Variants in ATP13A3 observed in about 807,000 individuals in gnomAD.
The protein encoded by ATP13A3 is ATPase 13A3.
ATP13A3 carries 59 observed loss-of-function variants against 158.1 expected under a neutral mutation model. The observed-to-expected ratio is 0.37, with a 90% CI of 0.30 to 0.46. The LOEUF is 0.46. ATP13A3 is among the 20% of genes least tolerant of loss of function. ATP13A3 has a pLI of 1.00. For synonymous variants in ATP13A3, 491 were observed against 504.3 expected, an observed-to-expected ratio of 0.97 and a Z score of 0.35; for missense variants, 1,166 against 1,525.2, an observed-to-expected ratio of 0.76 and a Z score of 3.92.
chr3:194,483,772 T>C (rs1237948232), intron 2 of ATP13A3, among the ~76,000 whole-genome samples: 2 of 152,210 alleles, frequency 1.3e-5, no homozygotes, highest in Non-Finnish European at 2.9e-5. Flanking sequence ...AAATTTAATT[T>C]CTAATTTCTT....
intron 22 of ATP13A3, 107 bp downstream of exon 22, chr3:194,431,610 T>G: frequency 1.7e-6 from 2 of 1,152,474 alleles, no homozygotes; most frequent in Non-Finnish European, 2.3e-6. Context: ...GACTTCTGTT[T>G]TCATTTAGTT....
chr3:194,467,121 T>C (rs1720040537), intron 2 of ATP13A3, among the ~76,000 whole-genome samples: 1 of 152,264 alleles, frequency 6.6e-6, no homozygotes, highest in African/African-American at 2.4e-5. Context: ...AATTTTTCAA[T>C]GTAGAATGTA....
At chr3:194,414,494 G>A (rs541356268) in intron 31 of ATP13A3, among the ~76,000 whole-genome samples, 20 of 147,412 alleles carry the variant, frequency 1.4e-4, no homozygotes, top group Non-Finnish European at 2.2e-4. Context: ...ATCTAATAAC[G>A]AAGTACTGGT....
intron 2 of ATP13A3, among the ~76,000 whole-genome samples, chr3:194,469,119 C>T (rs963968117): frequency 1.3e-5 from 2 of 149,366 alleles, no homozygotes; most frequent in African/African-American, 5.0e-5. Flanking sequence ...CATGACAGAG[C>T]AAGACTCCAT....
chr3:194,446,155 T>A (rs559650389), intron 14 of ATP13A3, among the ~76,000 whole-genome samples: 1 of 152,192 alleles, frequency 6.6e-6, no homozygotes, highest in African/African-American at 2.4e-5. Context: ...ATCCAAAGTA[T>A]TAAAAATTGA....
At position 194,428,768 on chromosome 3, in the gene ATP13A3, G is replaced by T. The variant is rs1385185325; in HGVS notation, c.2947+77C>A. ...TGTGAGCTATGTTACAATTGTTGATGTAAATTTACAAAAATTTAATAAGTC... is the reference window on the plus strand; with the variant it reads ...TGTGAGCTATGTTACAATTGTTGATTTAAATTTACAAAAATTTAATAAGTC... On this transcript the variant is annotated intron_variant, in intron 28 of 33. Transcript: ENST00000645319. The T allele has an allele frequency of 3.8e-6, 4 of 1,039,822 alleles. No individual in the cohort carries two copies. In the African/African-American group the frequency reaches 6.6e-5, roughly 17 times the overall value. 64.4% of individuals were successfully genotyped at this position (1,039,822 alleles called of 1,614,324 possible).
At chr3:194,436,596 A>C (rs576873909) in intron 20 of ATP13A3, among the ~76,000 whole-genome samples, 1 of 152,402 alleles carries the variant, frequency 6.6e-6, no homozygotes, top group East Asian at 1.9e-4. Flanking sequence ...ACAATAACAT[A>C]AGGAAACATA....
intron 2 of ATP13A3, among the ~76,000 whole-genome samples, chr3:194,473,061 G>C (rs2109027224): frequency 6.6e-6 from 1 of 152,202 alleles, no homozygotes; most frequent in Non-Finnish European, 1.5e-5. Context: ...CCTGGTTGAT[G>C]GGATTAATCA....
At chr3:194,412,177 A>G in intron 33 of ATP13A3, 22 bp downstream of exon 33, 1 of 1,525,336 alleles carries the variant, frequency 6.6e-7, no homozygotes, top group Non-Finnish European at 8.8e-7. Flanking sequence ...GCAAGAATTG[A>G]CAGGAAGTGC....
chr3:194,493,498 T>C (rs1284152724), intron 2 of ATP13A3, among the ~76,000 whole-genome samples: 1 of 151,872 alleles, frequency 6.6e-6, no homozygotes, highest in Non-Finnish European at 1.5e-5. Context: ...AATACAAAAA[T>C]TAGCCAGGTG....
At chr3:194,435,940 A>C (rs1276230496) in intron 20 of ATP13A3, among the ~76,000 whole-genome samples, 3 of 152,134 alleles carry the variant, frequency 2.0e-5, no homozygotes, top group Non-Finnish European at 4.4e-5. Context: ...GCAATTCAGT[A>C]ATTAGTGTTT....
intron 2 of ATP13A3, among the ~76,000 whole-genome samples, chr3:194,475,791 C>T (rs764664730): frequency 3.3e-5 from 5 of 152,214 alleles, no homozygotes; most frequent in East Asian, 1.9e-4. Context: ...ACAATAGTGA[C>T]GCCTGTATGG....
chr3:194,410,326 A>AAC (rs1560066852), intron 33 of ATP13A3, among the ~76,000 whole-genome samples: 1 of 146,940 alleles, frequency 6.8e-6, no homozygotes, highest in African/African-American at 2.5e-5. Flanking sequence ...AAAAAAAAAA[A>AAC]AAAAACTGCT....
intron 31 of ATP13A3, 51 bp downstream of exon 31, chr3:194,419,828 T>C (rs761590168): frequency 9.8e-6 from 15 of 1,524,746 alleles, no homozygotes; most frequent in East Asian, 7.5e-5. Context: ...AAAAAAGAAA[T>C]GTATACAGGT....
chr3:194,480,829 G>A (rs866820671), intron 2 of ATP13A3, among the ~76,000 whole-genome samples: 47 of 152,176 alleles, frequency 3.1e-4, no homozygotes, highest in Non-Finnish European at 2.5e-4. Context: ...CCCTGTCCCA[G>A]AGTGAGCATG....
chr3:194,493,542 G>A (rs1721169447), intron 2 of ATP13A3, among the ~76,000 whole-genome samples: 1 of 152,022 alleles, frequency 6.6e-6, no homozygotes, highest in Non-Finnish European at 1.5e-5. Context: ...AGCTACTCAG[G>A]AGGCTGAGGT....
chr3:194,448,585 A>G lies in ATP13A3; in HGVS notation c.1022T>C (p.Val341Ala), dbSNP rs76165404. ...KTNLPNPSVD[V>A]KGIGDELYNP... ...ATATAATTCATCTCCTATTCCTTTCACATCCACTGAAGGATTTGGCAAATT... is the reference window on the plus strand; with the variant it reads ...ATATAATTCATCTCCTATTCCTTTCGCATCCACTGAAGGATTTGGCAAATT... The change falls in exon 12 of 34, where the codon GTG becomes GCG. Residue 341 changes from valine (V) to alanine (A), a missense_variant. Val to Ala is a moderately conservative substitution (Grantham distance 64). Around this residue, in one of 3 missense-constraint regions of ATP13A3, gnomAD observed 997 missense variants for 1,341.2 expected, o/e 0.74. Transcript: ENST00000645319. The surrounding 1 kb of genome is among the most constrained non-coding windows in gnomAD (Gnocchi z 4.0). 1 of 1,613,776 alleles carries G rather than the reference A, an allele frequency of 6.2e-7. No homozygotes were observed. The highest frequency in any genetic ancestry group is 1.1e-5 in the South Asian group (1 of 90,926).
rs140881443 is a variant in ATP13A3, at chr3:194,427,046, T to C, written c.3125+29A>G. 88 of 1,585,814 alleles carry C rather than the reference T, an allele frequency of 5.5e-5. No homozygotes were observed. In the East Asian group the frequency reaches 1.9e-3, roughly 34 times the overall value. Reference sequence around the variant, plus strand: ...TCATATATGTTGCACATATTTTATATAGATTTTTACATAGATTGACCAACT... The same window carrying C: ...TCATATATGTTGCACATATTTTATACAGATTTTTACATAGATTGACCAACT... On this transcript the variant is annotated intron_variant, in intron 29 of 33. Transcript: ENST00000645319.
intron 32 of ATP13A3, 182 bp from the exon 33 acceptor site, chr3:194,412,470 C>T: frequency 1.8e-6 from 1 of 549,416 alleles, no homozygotes; most frequent in Non-Finnish European, 3.2e-6. Context: ...GTAACAAATA[C>T]AAATCATCAT....
Sources: gnomAD v4.1 joint callset for allele counts (sites outside exome capture counted in the v4.1 genomes callset) on GRCh38, gnomAD v4.1.1 for gene constraint, gnomAD v4.1.1 regional missense constraint, Gnocchi (gnomAD v3.1) non-coding constraint, MANE v1.5 for transcripts, NCBI Gene and HGNC (gene_info 2026-07-23, HGNC 2026-07-21) for gene names.